FAM199X: variants seen among roughly 807,000 people sequenced by gnomAD.
FAM199X encodes the protein family with sequence similarity 199, X-linked.
FAM199X carries 4 observed loss-of-function variants against 22.9 expected under a neutral mutation model. The observed-to-expected ratio is 0.17, with a 90% CI of 0.09 to 0.40. The LOEUF (loss-of-function observed/expected upper bound fraction) is 0.40, where lower values mean the gene tolerates loss of function less well. FAM199X is among the 10% of genes least tolerant of loss of function. The pLI is 1.00. For missense variants in FAM199X, 183 were observed against 306.8 expected (o/e 0.60, Z 3.01); for synonymous variants, 101 against 112.3 (o/e 0.90, Z 0.64).
chrX:104,186,774 T>G (rs1347317469), intron 4 of FAM199X, among the ~76,000 whole-genome samples, 153 bp downstream of exon 4: 1 of 112,279 alleles, frequency 8.9e-6, no homozygotes, highest in Non-Finnish European at 1.9e-5. Context: ...CACATTGATT[T>G]AAGAGGTTTT....
rs1922029380 is a variant in FAM199X, at chrX:104,195,195, ATATAT to A, written c.*5421_*5425del. 9.0e-6 allele frequency: 1 copy of A among 110,888 alleles called. No homozygotes were observed. The highest frequency in any genetic ancestry group is 1.9e-5 in the Non-Finnish European group (1 of 52,924). 9.1% of individuals were successfully genotyped at this position (110,888 alleles called of 1,213,427 possible). ...GTTGTTTTGGTTAAGAACTCTTATA[ATATAT>A]TATTTCTTTTGATGTACCCTGAGTT... On this transcript the variant is annotated 3_prime_UTR_variant, in exon 6 of 6. Coordinates refer to ENST00000493442, the MANE Select transcript of FAM199X (RefSeq NM_207318.4).
upstream of FAM199X, among the ~76,000 whole-genome samples, chrX:104,162,484 G>A (rs1463658970): frequency 9.0e-6 from 1 of 111,571 alleles, no homozygotes; most frequent in Non-Finnish European, 1.9e-5. Context: ...CCACAGAAAC[G>A]ATCCATAATT....
Position 104,166,911 on chromosome X carries a change from C to T in FAM199X, c.126C>T (p.Asp42=), listed in dbSNP as rs1556374093. Residue 42 remains aspartate (D), a synonymous_variant, in exon 1 of 6, where the codon GAC becomes GAT. Coordinates refer to ENST00000493442, the MANE Select transcript of FAM199X (RefSeq NM_207318.4). Reference sequence around the variant, plus strand: ...CGAGCGAGGAGCCGGGCTGCCTGGACATCAGCGACTTCGGCTGCCAGCTGT... The same window carrying T: ...CGAGCGAGGAGCCGGGCTGCCTGGATATCAGCGACTTCGGCTGCCAGCTGT... ...TCPSEEPGCL[D]ISDFGCQLSS... is the part of the protein sequence containing the mutation. 8.3e-7 allele frequency: 1 copy of T among 1,201,544 alleles called. No homozygotes were observed. Among genetic ancestry groups the T allele is most frequent in the Admixed American group, 2.2e-5 (1 of 45,172 alleles).
At chrX:104,188,642 GCTGT>G (rs1312988907) in intron 5 of FAM199X, among the ~76,000 whole-genome samples, 15 of 112,154 alleles carry the variant, frequency 1.3e-4, no homozygotes, top group African/African-American at 4.2e-4. Flanking sequence ...TGCTGATGTT[GCTGT>G]CTATTAGCTC....
chrX:104,172,539 A>G (rs1921383745), intron 1 of FAM199X, among the ~76,000 whole-genome samples: 1 of 111,984 alleles, frequency 8.9e-6, no homozygotes, highest in African/African-American at 3.2e-5. Flanking sequence ...CTGATAATTA[A>G]AAACAAAAGA....
rs1356376356 is a variant in FAM199X, at chrX:104,193,886, C to T, written c.*4108C>T. On this transcript the variant is annotated 3_prime_UTR_variant, in exon 6 of 6. Coordinates refer to ENST00000493442, the MANE Select transcript of FAM199X (RefSeq NM_207318.4). ...TAGGCATCTTTGTTAGCATAGTATC[C>T]GGAACATAACTACTTATAATGCTTA... The T allele has an allele frequency of 1.8e-5, 2 of 110,871 alleles. No individual in the cohort carries two copies. Among genetic ancestry groups the T allele is most frequent in the African/African-American group, 3.3e-5 (1 of 30,596 alleles). 9.1% of individuals were successfully genotyped at this position (110,871 alleles called of 1,213,427 possible).
chrX:104,192,509 G>A lies in FAM199X; in HGVS notation c.*2731G>A, dbSNP rs1489635904. 7.2e-5 allele frequency: 8 copies of A among 111,419 alleles called. No homozygotes were observed. Among genetic ancestry groups the A allele is most frequent in the Non-Finnish European group, 1.3e-4 (7 of 52,911 alleles). The allele number at this position is 111,419 out of a possible 1,213,427, so 9.2% of individuals were successfully genotyped here. ...AGATTTATCCAGAAACATTTTATTA[G>A]AGATCTTATAGTAGTATCTCAGTTC... On this transcript the variant is annotated 3_prime_UTR_variant, in exon 6 of 6. Transcript: ENST00000493442.
In FAM199X at chrX:104,166,692, G is replaced by T; in HGVS notation, c.-94G>T. The T allele has an allele frequency of 2.5e-6, 2 of 811,216 alleles. No homozygotes were observed. Among genetic ancestry groups the T allele is most frequent in the Non-Finnish European group, 3.4e-6 (2 of 589,476 alleles). The allele number at this position is 811,216 out of a possible 1,213,427, so 66.9% of individuals were successfully genotyped here. A position where few individuals can be genotyped will look rare whatever the true frequency, so the allele number is the denominator to read the frequency against. On this transcript the variant is annotated 5_prime_UTR_variant, in exon 1 of 6. Coordinates refer to ENST00000493442, the MANE Select transcript of FAM199X (RefSeq NM_207318.4). The stretch of plus-strand genomic sequence containing the variant: ...AGCTGCGACGGGCACACCCCGGAGC[G>T]TCGGCGACTGCGGACAGGTTAGAGT...
At chrX:104,184,284 G>A (rs1921739278) in intron 2 of FAM199X, among the ~76,000 whole-genome samples, 1 of 112,004 alleles carries the variant, frequency 8.9e-6, no homozygotes, top group Non-Finnish European at 1.9e-5. Flanking sequence ...GTAGCTCTTC[G>A]CTTTTTTGGT....
chrX:104,189,610 G>A lies in FAM199X; in HGVS notation c.999G>A (p.Lys333=), dbSNP rs1921888026. Residue 333 remains lysine (K), a splice_region_variant and synonymous_variant, in exon 6 of 6, where the codon AAG becomes AAA. Coordinates refer to ENST00000493442, the MANE Select transcript of FAM199X (RefSeq NM_207318.4). ...TTTAGAAATTTTTATTTTGACAGAAGCGATCCAAGCAGCGGAAGTTACAGC... is the reference window on the plus strand; with the variant it reads ...TTTAGAAATTTTTATTTTGACAGAAACGATCCAAGCAGCGGAAGTTACAGC... ...SAAERIRDSK[K]RSKQRKLQQK... is the part of the protein sequence containing the mutation. The A allele has an allele frequency of 8.3e-7, 1 of 1,209,566 alleles. No homozygotes were observed. The highest frequency in any genetic ancestry group is 1.1e-6 in the Non-Finnish European group (1 of 895,104).
intron 1 of FAM199X, among the ~76,000 whole-genome samples, chrX:104,169,497 A>G (rs1272574079): frequency 8.9e-6 from 1 of 111,893 alleles, no homozygotes; most frequent in Non-Finnish European, 1.9e-5. Context: ...TCTGGGCTAT[A>G]TTTGCAATTT....
chrX:104,162,572 C>A (rs1921067189), upstream of FAM199X, among the ~76,000 whole-genome samples: 1 of 112,143 alleles, frequency 8.9e-6, no homozygotes, highest in Non-Finnish European at 1.9e-5. Flanking sequence ...AAATGTCACT[C>A]ACTGTAAAAA....
At chrX:104,181,991 C>CTT (rs1210118235) in intron 2 of FAM199X, among the ~76,000 whole-genome samples, 26 of 94,656 alleles carry the variant, frequency 2.7e-4, no homozygotes, top group Admixed American at 1.7e-3. Flanking sequence ...TCTTTTTTTT[C>CTT]TTTTTTTTTT....
intron 1 of FAM199X, among the ~76,000 whole-genome samples, chrX:104,173,683 T>C (rs989955547): frequency 8.9e-6 from 1 of 111,939 alleles, no homozygotes; most frequent in Non-Finnish European, 1.9e-5. Flanking sequence ...AATAATTATC[T>C]TAAGGATTAA....
At chrX:104,162,427 T>G (rs1921064733), upstream of FAM199X, among the ~76,000 whole-genome samples, 1 of 112,115 alleles carries the variant, frequency 8.9e-6, no homozygotes, top group African/African-American at 3.2e-5. Flanking sequence ...CACCATTTAT[T>G]ATCAAAAACG....
At chrX:104,183,711 C>G (rs1921723534) in intron 2 of FAM199X, among the ~76,000 whole-genome samples, 1 of 111,857 alleles carries the variant, frequency 8.9e-6, no homozygotes, top group African/African-American at 3.2e-5. Context: ...ATGATCCACC[C>G]ACCTCCGCCT....
chrX:104,189,648 G>T lies in FAM199X; in HGVS notation c.1037G>T (p.Arg346Leu). ...KQRKLQQKAF[R>L]KRQLKEQRQA... ...CGGAAGTTACAGCAGAAGGCCTTCC[G>T]CAAGAGGCAGCTGAAGGAGCAGAGG... The change falls in exon 6 of 6, where the codon CGC becomes CTC. Residue 346 changes from arginine (R) to leucine (L), a missense_variant. Physicochemically the swap from Arg to Leu is moderately radical, Grantham distance 102 (BLOSUM62 -2). This residue lies in a region of FAM199X where 128 missense variants were observed against 246.2 expected (regional missense o/e 0.52). Coordinates refer to ENST00000493442, the MANE Select transcript of FAM199X (RefSeq NM_207318.4). The T allele has an allele frequency of 1.7e-6, 2 of 1,211,741 alleles. No individual in the cohort carries two copies. Among genetic ancestry groups the T allele is most frequent in the Non-Finnish European group, 2.2e-6 (2 of 895,395 alleles).
chrX:104,162,707 C>T (rs1307253770), upstream of FAM199X, among the ~76,000 whole-genome samples: 2 of 112,127 alleles, frequency 1.8e-5, no homozygotes, highest in African/African-American at 3.2e-5. Flanking sequence ...AATGTAGGAA[C>T]GTCTGGACAT....
chrX:104,170,962 T>C lies in FAM199X; in HGVS notation c.197+3980T>C, dbSNP rs375369487. Among the ~76,000 whole-genome samples, 10 of 111,418 alleles carry C rather than the reference T, an allele frequency of 9.0e-5. No individual in the cohort carries two copies. The East Asian group carries it at 2.8e-3, about 31-fold the overall frequency. On this transcript the variant is annotated intron_variant, in intron 1 of 5. Transcript: ENST00000493442. ...TATGGGGATTCTGGCAGAGAGTCAG[T>C]GGTGAATACAAGTACTGATGGGGCA... is the stretch of plus-strand genomic sequence containing the variant.
Sources: allele counts gnomAD v4.1 joint callset (sites outside exome capture counted in the v4.1 genomes callset), GRCh38; gene constraint gnomAD v4.1.1; regional missense constraint gnomAD v4.1.1; transcripts MANE v1.5; gene names NCBI Gene and HGNC (gene_info 2026-07-23, HGNC 2026-07-21).